RNF152: variants seen among roughly 807,000 people sequenced by gnomAD.
The protein encoded by RNF152 is ring finger protein 152.
A neutral mutation model predicts 12.7 loss-of-function variants in RNF152; 11 were observed. That is an observed-to-expected ratio of 0.86 (90% confidence interval 0.54 to 1.43). RNF152 has a LOEUF of 1.43. Among genes scored for constraint, RNF152 ranks in the 40% most tolerant of loss-of-function variants. The probability of loss-of-function intolerance (pLI) is 0.00; values close to 1 mark genes in which losing one functional copy is unlikely to be tolerated. For synonymous variants in RNF152, 113 were observed against 120.3 expected (o/e 0.94, Z 0.40); for missense variants, 255 against 274.8 (o/e 0.93, Z 0.51).
At chr18:61,826,795 A>G (rs1234422913) in intron 1 of RNF152, among the ~76,000 whole-genome samples, 3 of 152,244 alleles carry the variant, frequency 2.0e-5, no homozygotes, top group Non-Finnish European at 2.9e-5. Flanking sequence ...TTGCTCTAAC[A>G]GTGGTTACCT....
chr18:61,874,351 A>T (rs1161554967), intron 1 of RNF152, among the ~76,000 whole-genome samples: 2 of 152,256 alleles, frequency 1.3e-5, no homozygotes, highest in African/African-American at 2.4e-5. Flanking sequence ...ATTTCCGATT[A>T]CAGATACAGG....
intron 1 of RNF152, among the ~76,000 whole-genome samples, chr18:61,861,360 T>C (rs964607026): frequency 6.6e-6 from 1 of 152,240 alleles, no homozygotes; most frequent in Admixed American, 6.5e-5. Context: ...TGTGTTACAA[T>C]TGCTTGCAGT....
intron 1 of RNF152, among the ~76,000 whole-genome samples, chr18:61,843,649 A>G (rs921108803): frequency 2.6e-5 from 4 of 152,234 alleles, no homozygotes; most frequent in African/African-American, 9.6e-5. Flanking sequence ...CTGACACGTT[A>G]CGACATGGGT....
At chr18:61,881,394 T>G (rs1224262842) in intron 1 of RNF152, among the ~76,000 whole-genome samples, 1 of 152,190 alleles carries the variant, frequency 6.6e-6, no homozygotes, top group East Asian at 1.9e-4. Flanking sequence ...AAATGAGGGA[T>G]GCAGACTCCA....
At chr18:61,874,636 A>C (rs568329581) in intron 1 of RNF152, among the ~76,000 whole-genome samples, 1 of 152,310 alleles carries the variant, frequency 6.6e-6, no homozygotes, top group South Asian at 2.1e-4. Context: ...ATCGGAGTTT[A>C]TCAATTATAG....
At chr18:61,884,999 T>A (rs1304877540) in intron 1 of RNF152, among the ~76,000 whole-genome samples, 1 of 152,234 alleles carries the variant, frequency 6.6e-6, no homozygotes, top group Non-Finnish European at 1.5e-5. Flanking sequence ...AGTACCAATG[T>A]AAAGGAGTGG....
intron 1 of RNF152, among the ~76,000 whole-genome samples, chr18:61,835,460 C>T (rs1910136865): frequency 6.6e-6 from 1 of 151,594 alleles, no homozygotes; most frequent in Non-Finnish European, 1.5e-5. Context: ...AAAAATAAAC[C>T]CAGAAAGGAC....
chr18:61,887,427 G>C (rs917154761), intron 1 of RNF152, among the ~76,000 whole-genome samples: 2 of 152,096 alleles, frequency 1.3e-5, no homozygotes, highest in Non-Finnish European at 1.5e-5. Context: ...ATAGTAAGAA[G>C]AATGCTCCTG....
At chr18:61,885,308 T>C (rs1056643454) in intron 1 of RNF152, among the ~76,000 whole-genome samples, 1 of 122,980 alleles carries the variant, frequency 8.1e-6, no homozygotes, top group African/African-American at 3.2e-5. Flanking sequence ...AAACTGAGAG[T>C]GTTTTGTTTG....
chr18:61,823,560 A>G (rs561941707), intron 1 of RNF152, among the ~76,000 whole-genome samples: 6 of 152,320 alleles, frequency 3.9e-5, no homozygotes, highest in African/African-American at 7.2e-5. Context: ...CAGCCTCTCA[A>G]AGTGCTGGGA....
At chr18:61,886,823 CTA>C (rs1454590977) in intron 1 of RNF152, among the ~76,000 whole-genome samples, 1 of 152,212 alleles carries the variant, frequency 6.6e-6, no homozygotes, top group Admixed American at 6.5e-5. Flanking sequence ...ACAAGACAAT[CTA>C]TGACAAGTGG....
intron 1 of RNF152, among the ~76,000 whole-genome samples, chr18:61,830,005 C>T (rs1389455060): frequency 6.6e-6 from 1 of 151,120 alleles, no homozygotes; most frequent in Non-Finnish European, 1.5e-5. Flanking sequence ...CCATCGTCCC[C>T]ATCTATTTCC....
rs1912363805 is a variant in RNF152 at position 61,879,516 on chromosome 18, T to C, written c.-136+13279A>G. 1.3e-5 allele frequency among the ~76,000 whole-genome samples: 2 copies of C among 151,964 alleles called. 1 individual carries two copies. The highest frequency in any genetic ancestry group is 4.2e-4 in the South Asian group (2 of 4,798). On this transcript the variant is annotated intron_variant, in intron 1 of 1. Transcript: ENST00000312828. ...TATAGCTTTCCATCACTATGCTGTG[T>C]TTTGCGGGAGGGCAGAGAGGAAGGA...
chr18:61,824,724 T>G (rs888634708), intron 1 of RNF152, among the ~76,000 whole-genome samples: 2 of 152,244 alleles, frequency 1.3e-5, no homozygotes, highest in East Asian at 3.8e-4. Context: ...CCAACAACGC[T>G]ACCTTGAAAA....
intron 1 of RNF152, among the ~76,000 whole-genome samples, chr18:61,823,870 G>A (rs1432487136): frequency 6.6e-6 from 1 of 152,218 alleles, no homozygotes; most frequent in Non-Finnish European, 1.5e-5. Flanking sequence ...TGCTGTCCCT[G>A]TCTGGATGTG....
chr18:61,886,283 G>A (rs912628317), intron 1 of RNF152, among the ~76,000 whole-genome samples: 1 of 152,094 alleles, frequency 6.6e-6, no homozygotes, highest in African/African-American at 2.4e-5. Context: ...AGTCAAAATC[G>A]TTTTCTGTGT....
intron 1 of RNF152, among the ~76,000 whole-genome samples, chr18:61,874,099 A>T (rs1468422145): frequency 6.6e-6 from 1 of 152,242 alleles, no homozygotes; most frequent in Non-Finnish European, 1.5e-5. Context: ...AACTAATTTC[A>T]TACTTTACTA....
intron 1 of RNF152, among the ~76,000 whole-genome samples, chr18:61,846,035 C>T (rs1475424360): frequency 1.3e-5 from 2 of 152,036 alleles, no homozygotes; most frequent in Non-Finnish European, 2.9e-5. Flanking sequence ...CAGCAGATGC[C>T]CTTTATGAAC....
At chr18:61,879,962 T>C (rs1253796093) in intron 1 of RNF152, among the ~76,000 whole-genome samples, 2 of 119,512 alleles carry the variant, frequency 1.7e-5, no homozygotes, top group Admixed American at 1.8e-4. Flanking sequence ...CGAAACTCCA[T>C]CTCAAAAAAA....
Sources: gnomAD v4.1 joint callset for allele counts (sites outside exome capture counted in the v4.1 genomes callset) on GRCh38, gnomAD v4.1.1 for gene constraint, MANE v1.5 for transcripts, NCBI Gene and HGNC (gene_info 2026-07-23, HGNC 2026-07-21) for gene names.